CERS6: variants seen among roughly 807,000 people sequenced by gnomAD.
CERS6 encodes ceramide synthase 6.
In CERS6, 26 loss-of-function variants were observed where a neutral mutation model predicts 56.8. The ratio of observed to expected loss-of-function variants is 0.46; its 90% CI spans 0.34 to 0.63. The LOEUF (loss-of-function observed/expected upper bound fraction) is 0.63, where lower values mean the gene tolerates loss of function less well. Among genes scored for constraint, CERS6 ranks in the 30% least tolerant of loss-of-function variants. The pLI is 0.01. For missense variants in CERS6, 415 were observed against 467.5 expected, an observed-to-expected ratio of 0.89 and a Z score of 1.04; for synonymous variants, 164 against 173.3, an observed-to-expected ratio of 0.95 and a Z score of 0.42.
At chr2:168,466,371 C>A (rs1254415293) in intron 1 of CERS6, among the ~76,000 whole-genome samples, 1 of 152,108 alleles carries the variant, frequency 6.6e-6, no homozygotes, top group Non-Finnish European at 1.5e-5. Flanking sequence ...ATAAAACTCT[C>A]CTTAGCAGCC....
chr2:168,587,885 T>C (rs767827794), intron 3 of CERS6, among the ~76,000 whole-genome samples: 10 of 152,186 alleles, frequency 6.6e-5, no homozygotes, highest in South Asian at 2.1e-4. Context: ...CCAAAATTTA[T>C]TGCGCTCCTG....
intron 8 of CERS6, among the ~76,000 whole-genome samples, chr2:168,725,207 A>T (rs1050550638): frequency 6.6e-6 from 1 of 152,264 alleles, no homozygotes; most frequent in Non-Finnish European, 1.5e-5. Context: ...GGGCCCGCCA[A>T]GCCCACGCCC....
At chr2:168,625,165 C>T (rs1574108848) in intron 3 of CERS6, among the ~76,000 whole-genome samples, 1 of 152,100 alleles carries the variant, frequency 6.6e-6, no homozygotes. Flanking sequence ...GAGAATGTCT[C>T]AATTAATAAA....
chr2:168,461,459 C>CA (rs397869323), intron 1 of CERS6, among the ~76,000 whole-genome samples: 5,867 of 78,690 alleles, frequency 0.075, 238 homozygotes, highest in South Asian at 0.093. Flanking sequence ...GACCCTGTCT[C>CA]AAAAAAAAAA....
chr2:168,633,490 A>G (rs141231662), intron 4 of CERS6, among the ~76,000 whole-genome samples: 6 of 152,268 alleles, frequency 3.9e-5, no homozygotes, highest in East Asian at 1.9e-4. Flanking sequence ...CAAGAAACAC[A>G]TGCTCCTCTT....
intron 2 of CERS6, among the ~76,000 whole-genome samples, chr2:168,559,730 G>GCATTA (rs1695749684): frequency 1.3e-4 from 1 of 7,844 alleles, no homozygotes; most frequent in African/African-American, 8.5e-4. Flanking sequence ...TTTTAGAAAG[G>GCATTA]TATCATATAT....
intron 6 of CERS6, among the ~76,000 whole-genome samples, chr2:168,713,254 C>A (rs1392103783): frequency 6.6e-6 from 1 of 152,100 alleles, no homozygotes; most frequent in Non-Finnish European, 1.5e-5. Flanking sequence ...TTTTCATAAT[C>A]ACGATGTGCT....
At chr2:168,500,466 T>A (rs1409344354) in intron 1 of CERS6, among the ~76,000 whole-genome samples, 1 of 152,192 alleles carries the variant, frequency 6.6e-6, no homozygotes, top group Non-Finnish European at 1.5e-5. Flanking sequence ...AGATGTTTAT[T>A]GTGAATGGAT....
intron 3 of CERS6, among the ~76,000 whole-genome samples, chr2:168,562,696 AC>A (rs1372510597): frequency 1.3e-5 from 2 of 152,210 alleles, no homozygotes; most frequent in Non-Finnish European, 2.9e-5. Flanking sequence ...TCAGAATTGA[AC>A]AAATGTATAG....
intron 8 of CERS6, among the ~76,000 whole-genome samples, chr2:168,725,835 C>T (rs1279478933): frequency 2.0e-5 from 3 of 152,182 alleles, no homozygotes; most frequent in Non-Finnish European, 4.4e-5. Flanking sequence ...GTCTAGTTAG[C>T]TCTCCTCAAC....
At chr2:168,465,340 C>G (rs1693851852) in intron 1 of CERS6, among the ~76,000 whole-genome samples, 1 of 152,158 alleles carries the variant, frequency 6.6e-6, no homozygotes, top group African/African-American at 2.4e-5. Context: ...ATGGCACTTT[C>G]TTACTGTATT....
intron 4 of CERS6, among the ~76,000 whole-genome samples, chr2:168,631,685 TTATATA>T (rs1256321193): frequency 1.2e-4 from 6 of 50,070 alleles, no homozygotes; most frequent in Admixed American, 2.6e-4. Context: ...ATATTTATAT[TTATATA>T]TATTTAATTT....
intron 8 of CERS6, among the ~76,000 whole-genome samples, chr2:168,753,364 T>A (rs1295566694): frequency 1.3e-5 from 2 of 152,252 alleles, no homozygotes; most frequent in Non-Finnish European, 2.9e-5. Context: ...ATGTTTGTCT[T>A]GATCAGTTAT....
chr2:168,737,652 G>T (rs1433097012), intron 8 of CERS6, among the ~76,000 whole-genome samples: 1 of 152,178 alleles, frequency 6.6e-6, no homozygotes, highest in African/African-American at 2.4e-5. Flanking sequence ...ATTTTGCTCT[G>T]TGTCTTTTAT....
rs909136185 is a variant in CERS6, at chr2:168,644,316, A to G, written c.465+13274A>G. Reference sequence around the variant, plus strand: ...GAAAGGAGGTGAAGGGGAATAATAGAAAGTGGTAAGTCTGGAATGTGGGAA... The same window carrying G: ...GAAAGGAGGTGAAGGGGAATAATAGGAAGTGGTAAGTCTGGAATGTGGGAA... On this transcript the variant is annotated intron_variant, in intron 4 of 9. Coordinates refer to ENST00000305747, the MANE Select transcript of CERS6 (RefSeq NM_203463.3). 3 of 985,018 alleles carry G rather than the reference A, an allele frequency of 3.0e-6. No homozygotes were observed. In the African/African-American group the frequency reaches 5.2e-5, roughly 17 times the overall value. The allele number at this position is 985,018 out of a possible 1,614,324, so 61.0% of individuals were successfully genotyped here.
At chr2:168,556,376 A>G (rs1216523823) in intron 2 of CERS6, among the ~76,000 whole-genome samples, 2 of 152,212 alleles carry the variant, frequency 1.3e-5, no homozygotes, top group African/African-American at 4.8e-5. Context: ...CGAGAAAAAT[A>G]CATCACACTC....
chr2:168,484,622 A>ATGC (rs1213085431), intron 1 of CERS6, among the ~76,000 whole-genome samples: 1 of 152,180 alleles, frequency 6.6e-6, no homozygotes, highest in African/African-American at 2.4e-5. Flanking sequence ...ACAGCTGGAA[A>ATGC]TGCTGAACTG....
chr2:168,584,578 C>T (rs1574081254), intron 3 of CERS6, among the ~76,000 whole-genome samples: 1 of 152,206 alleles, frequency 6.6e-6, no homozygotes, highest in Non-Finnish European at 1.5e-5. Context: ...TCACTGTAGA[C>T]CTTTTCCCTA....
chr2:168,676,466 A>G (rs1368692039), intron 4 of CERS6, among the ~76,000 whole-genome samples: 1 of 152,244 alleles, frequency 6.6e-6, no homozygotes, highest in African/African-American at 2.4e-5. Flanking sequence ...CAGAAAAATT[A>G]TTAGCTATTG....
Sources: gnomAD v4.1 joint callset for allele counts (sites outside exome capture counted in the v4.1 genomes callset) on GRCh38, gnomAD v4.1.1 for gene constraint, MANE v1.5 for transcripts, NCBI Gene and HGNC (gene_info 2026-07-23, HGNC 2026-07-21) for gene names.